ACADVL: variants seen among roughly 807,000 people sequenced by gnomAD.
ACADVL encodes acyl-CoA dehydrogenase very long chain, also known as very long-chain acyl-CoA dehydrogenase, mitochondrial.
Under a neutral mutation model 80.4 loss-of-function variants are expected in ACADVL, and 73 were observed. That is an observed-to-expected ratio of 0.91 (90% CI 0.75 to 1.10). ACADVL has a LOEUF of 1.10. Among genes scored for constraint, ACADVL ranks in the 50% least tolerant of loss-of-function variants. ACADVL has a pLI of 0.00. For missense variants in ACADVL, 878 were observed against 858.9 expected (o/e 1.02, Z -0.28); for synonymous variants, 392 against 326.5 (o/e 1.20, Z -2.16).
chr17:7,220,626 G>T lies in ACADVL; in HGVS notation c.227G>T (p.Gly76Val). The change falls in exon 4 of 20, where the codon GGA becomes GTA. Residue 76 changes from glycine to valine, a missense_variant. Coordinates refer to ENST00000356839, the MANE Select transcript of ACADVL (RefSeq NM_000018.4). Reference sequence around the variant, plus strand: ...CAGGAATCTAAGTCCTTTGCTGTGGGAATGTTCAAAGGCCAGCTCACCACA... The same window carrying T: ...CAGGAATCTAAGTCCTTTGCTGTGGTAATGTTCAAAGGCCAGCTCACCACA... Reference protein sequence around the residue: ...AKAESKSFAVGMFKGQLTTDQ... With the variant: ...AKAESKSFAVVMFKGQLTTDQ... 1 of 1,614,196 alleles carries T rather than the reference G, an allele frequency of 6.2e-7. No individual in the cohort carries two copies. The highest frequency in any genetic ancestry group is 8.5e-7 in the Non-Finnish European group (1 of 1,180,034).
chr17:7,220,342 C>A, intron 2 of ACADVL, 122 bp from the exon 3 acceptor site: 1 of 1,554,782 alleles, frequency 6.4e-7, no homozygotes, highest in South Asian at 1.1e-5. Context: ...CCAGGGTGCC[C>A]TAGGGCGAAA....
upstream of ACADVL, chr17:7,218,116 G>C: frequency 1.2e-6 from 1 of 853,644 alleles, no homozygotes; most frequent in Non-Finnish European, 1.8e-6. Context: ...CAAGTCCCTG[G>C]GCCACTGACT....
rs113994170 is a variant in ACADVL, at chr17:7,224,040, C to T, written c.1405C>T (p.Arg469Trp). Reference sequence around the variant, plus strand: ...CTTTGAGGGGACAAATGACATTCTTCGGCTGTTTGTGGCTCTGCAGGGCTG... The same window carrying T: ...CTTTGAGGGGACAAATGACATTCTTTGGCTGTTTGTGGCTCTGCAGGGCTG... ...RIFEGTNDIL[R>W]LFVALQGCMD... Residue 469 changes from arginine to tryptophan, a missense_variant, in exon 14 of 20, where the codon CGG becomes TGG. Physicochemically the swap from Arg to Trp is moderately radical, Grantham distance 101. Coordinates refer to ENST00000356839, the MANE Select transcript of ACADVL (RefSeq NM_000018.4). 14 of 1,614,004 alleles carry T rather than the reference C, an allele frequency of 8.7e-6. No individual in the cohort carries two copies. Among genetic ancestry groups the T allele is most frequent in the East Asian group, 4.5e-5 (2 of 44,892 alleles).
upstream of ACADVL, chr17:7,218,629 T>C (rs1357518380): frequency 1.7e-5 from 26 of 1,562,176 alleles, no homozygotes; most frequent in Non-Finnish European, 2.2e-5. Context: ...GCCAGAGGGC[T>C]GACCTGGGAG....
upstream of ACADVL, chr17:7,218,790 C>T (rs768606422): frequency 9.3e-6 from 15 of 1,612,716 alleles, no homozygotes; most frequent in Middle Eastern, 3.3e-4. Flanking sequence ...CCCCCCACTT[C>T]GCTCCCAGAC....
chr17:7,220,269 T>A (rs2071130597), intron 2 of ACADVL, 72 bp downstream of exon 2: 1 of 1,505,236 alleles, frequency 6.6e-7, no homozygotes, highest in Non-Finnish European at 8.9e-7. Context: ...TCGGCAGGGA[T>A]CTCCCTCTTG....
At chr17:7,219,228 G>A (rs997245768), upstream of ACADVL, 4 of 331,136 alleles carry the variant, frequency 1.2e-5, no homozygotes, top group African/African-American at 2.2e-5. Context: ...AGAGAAGTTG[G>A]GGTTTTACGG....
upstream of ACADVL, chr17:7,219,462 C>A: frequency 6.8e-6 from 7 of 1,036,256 alleles, no homozygotes; most frequent in Non-Finnish European, 5.8e-6. Flanking sequence ...CAGAAGAATA[C>A]ACTTAGGGTA....
chr17:7,222,566 G>C, intron 9 of ACADVL, 101 bp from the exon 10 acceptor site: 1 of 1,313,636 alleles, frequency 7.6e-7, no homozygotes, highest in Non-Finnish European at 1.1e-6. Context: ...TAGTCTAGTG[G>C]TCGTCATTCC....
chr17:7,223,353 C>A, intron 11 of ACADVL, 116 bp downstream of exon 11: 1 of 1,006,784 alleles, frequency 9.9e-7, no homozygotes, highest in Non-Finnish European at 1.6e-6. Flanking sequence ...CACCAATGCC[C>A]TAGGGGATGC....
upstream of ACADVL, chr17:7,218,590 T>C (rs768074006): frequency 1.5e-5 from 24 of 1,566,472 alleles, no homozygotes; most frequent in Non-Finnish European, 1.9e-5. Flanking sequence ...GGAGTGGGGG[T>C]GCCCACCGCA....
At chr17:7,219,794 C>T, upstream of ACADVL, 1 of 1,511,448 alleles carries the variant, frequency 6.6e-7, no homozygotes, top group South Asian at 1.2e-5. Context: ...CTTGGAGATC[C>T]CTCTAAGTCA....
At chr17:7,218,628 C>T (rs866276330), upstream of ACADVL, 1 of 1,562,542 alleles carries the variant, frequency 6.4e-7, no homozygotes, top group Non-Finnish European at 8.7e-7. Flanking sequence ...AGCCAGAGGG[C>T]TGACCTGGGA....
chr17:7,220,232 A>G, intron 2 of ACADVL, 35 bp downstream of exon 2: 2 of 1,521,264 alleles, frequency 1.3e-6, no homozygotes, highest in Non-Finnish European at 1.8e-6. Context: ...GGGGTGTGGG[A>G]GCGGCGGTCC....
chr17:7,217,643 G>A (rs1273984705), upstream of ACADVL: 2 of 1,237,114 alleles, frequency 1.6e-6, no homozygotes, highest in African/African-American at 1.6e-5. Flanking sequence ...GGAAGCAGGG[G>A]GAGGGAGGGA....
chr17:7,219,192 T>A, upstream of ACADVL: 1 of 360,886 alleles, frequency 2.8e-6, no homozygotes, highest in Non-Finnish European at 5.0e-6. Context: ...GGGTAGAAAT[T>A]GTTTGGGACT....
At chr17:7,218,249 C>T (rs2071024756), upstream of ACADVL, 1 of 1,609,774 alleles carries the variant, frequency 6.2e-7, no homozygotes, top group Non-Finnish European at 8.5e-7. Flanking sequence ...ACCTGACTCT[C>T]TGAGAGGGAA....
In ACADVL at chr17:7,220,033, C is replaced by T. The variant is rs2230179; in HGVS notation, c.49C>T (p.Leu17Phe). 5,733 of 1,604,908 alleles carry T rather than the reference C, an allele frequency of 3.6e-3. 178 individuals carry two copies. The African/African-American group carries it at 0.067, about 19-fold the overall frequency. The change falls in exon 1 of 20, where the codon CTC becomes TTC. Residue 17 changes from leucine (L) to phenylalanine (F), a missense_variant. Transcript: ENST00000356839. ...AASLGRQLLRLGGGSSRLTAL... is the reference protein window; with the variant it reads ...AASLGRQLLRFGGGSSRLTAL... ...GAGCTTGGGGCGGCAGCTGCTGAGG[C>T]TCGGGGGCGGAAGGTCTGTGTGTGA...
intron 5 of ACADVL, 40 bp downstream of exon 5, chr17:7,220,870 TGGA>T: frequency 6.2e-7 from 1 of 1,613,984 alleles, no homozygotes; most frequent in Non-Finnish European, 8.5e-7. Context: ...GTGAGGTGTT[TGGA>T]GATGTTAAGC....
Sources: gnomAD v4.1 joint callset for allele counts on GRCh38, gnomAD v4.1.1 for gene constraint, MANE v1.5 for transcripts, NCBI Gene and HGNC (gene_info 2026-07-23, HGNC 2026-07-21) for gene names.